CNTN4: variants seen among roughly 807,000 people sequenced by gnomAD.
CNTN4 encodes the protein contactin 4, also known as contactin-4.
Under a neutral mutation model 122.5 loss-of-function variants are expected in CNTN4, and 77 were observed. The observed-to-expected ratio is 0.63, with a 90% CI of 0.52 to 0.76. The LOEUF is 0.76. Ranked by LOEUF, CNTN4 falls within the 30% of genes least tolerant of loss-of-function variation. The pLI, the probability that CNTN4 is intolerant of heterozygous loss-of-function variation, is 0.00. For missense variants in CNTN4, 1,256 were observed against 1,259.1 expected (o/e 1.00, Z 0.04); for synonymous variants, 512 against 447.0 (o/e 1.15, Z -1.83).
chr3:2,610,431 T>C (rs538204026), intron 4 of CNTN4, among the ~76,000 whole-genome samples: 1 of 152,336 alleles, frequency 6.6e-6, no homozygotes, highest in South Asian at 2.1e-4. Flanking sequence ...CCCGTGGCCT[T>C]CTAAAATGAT....
intron 2 of CNTN4, among the ~76,000 whole-genome samples, chr3:2,236,230 G>A (rs1473567031): frequency 6.6e-6 from 1 of 152,142 alleles, no homozygotes; most frequent in Admixed American, 6.5e-5. Flanking sequence ...TCGGTAATTT[G>A]GCAGGAAGTA....
rs773241153 is a variant in CNTN4 at position 3,040,224 on chromosome 3, G to A, written c.2351G>A (p.Gly784Glu). The A allele has an allele frequency of 6.2e-7, 1 of 1,614,212 alleles. No individual in the cohort carries two copies. The highest frequency in any genetic ancestry group is 8.5e-7 in the Non-Finnish European group (1 of 1,180,022). Residue 784 changes from glycine (G) to glutamate (E), a missense_variant, in exon 20 of 25, where the codon GGA (glycine) becomes GAA (glutamate). By Grantham distance (98) the Gly-to-Glu change is moderately conservative. Coordinates refer to ENST00000418658, the MANE Select transcript of CNTN4 (RefSeq NM_175607.3). ...AAAGTAGGTGTCTTCAACAACAAAG[G>A]AGAAGGCCCTTTCAGTCCCACCACG... The part of the protein sequence containing the change: ...EVKVGVFNNK[G>E]EGPFSPTTVV...
At chr3:2,968,141 A>C (rs1439752755) in intron 13 of CNTN4, among the ~76,000 whole-genome samples, 2 of 152,214 alleles carry the variant, frequency 1.3e-5, no homozygotes, top group African/African-American at 2.4e-5. Flanking sequence ...GTTTGTCAGC[A>C]GCTGAACTGA....
At chr3:2,171,855 T>C (rs1244898820) in intron 2 of CNTN4, among the ~76,000 whole-genome samples, 1 of 152,240 alleles carries the variant, frequency 6.6e-6, no homozygotes, top group Non-Finnish European at 1.5e-5. Context: ...ACTGTTGGGT[T>C]CTAGTCTAGA....
intron 2 of CNTN4, among the ~76,000 whole-genome samples, chr3:2,213,373 T>C (rs1225286393): frequency 6.6e-6 from 1 of 152,204 alleles, no homozygotes; most frequent in East Asian, 1.9e-4. Flanking sequence ...TTGTTCCCTC[T>C]GAGCCATGTC....
chr3:2,320,079 T>C (rs17012538), intron 2 of CNTN4, among the ~76,000 whole-genome samples: 2,129 of 152,320 alleles, frequency 0.014, 53 homozygotes, highest in African/African-American at 0.049. Flanking sequence ...AAAGAGAATA[T>C]AGCTGAAACA....
At chr3:2,861,927 C>A (rs550531652) in intron 7 of CNTN4, among the ~76,000 whole-genome samples, 15 of 152,320 alleles carry the variant, frequency 9.8e-5, no homozygotes, top group African/African-American at 1.9e-4. Context: ...AAACTGATTT[C>A]TTCTGGCTCC....
chr3:2,328,289 C>A (rs1201212979), intron 2 of CNTN4, among the ~76,000 whole-genome samples: 2 of 150,548 alleles, frequency 1.3e-5, no homozygotes, highest in Non-Finnish European at 3.0e-5. Flanking sequence ...GCCTGTAGTC[C>A]CAGCTACTCG....
At chr3:2,149,886 T>C (rs2035416970) in intron 2 of CNTN4, among the ~76,000 whole-genome samples, 1 of 151,954 alleles carries the variant, frequency 6.6e-6, no homozygotes, top group Non-Finnish European at 1.5e-5. Flanking sequence ...GCCTGACCAA[T>C]GCTGGTGAAA....
intron 3 of CNTN4, among the ~76,000 whole-genome samples, chr3:2,402,891 T>A (rs2046907767): frequency 1.3e-5 from 2 of 152,184 alleles, no homozygotes; most frequent in African/African-American, 4.8e-5. Flanking sequence ...AATAGTTCCT[T>A]GTGTATCTCA....
chr3:2,137,764 C>T (rs888937056), intron 2 of CNTN4, among the ~76,000 whole-genome samples: 2 of 152,160 alleles, frequency 1.3e-5, no homozygotes, highest in African/African-American at 4.8e-5. Context: ...GGCAGTCAGT[C>T]TTGGAAGATG....
chr3:2,203,618 C>T (rs902191996), intron 2 of CNTN4, among the ~76,000 whole-genome samples: 5 of 152,064 alleles, frequency 3.3e-5, no homozygotes, highest in African/African-American at 9.7e-5. Context: ...TGCTCCAGTA[C>T]GTTCCTGAAT....
chr3:2,192,041 C>T (rs1487332884), intron 2 of CNTN4, among the ~76,000 whole-genome samples: 2 of 151,844 alleles, frequency 1.3e-5, no homozygotes, highest in East Asian at 3.9e-4. Flanking sequence ...CATCCATCTC[C>T]CTACAAAGGA....
chr3:2,769,550 T>A (rs1012121580), intron 6 of CNTN4, among the ~76,000 whole-genome samples: 24 of 152,166 alleles, frequency 1.6e-4, no homozygotes, highest in Non-Finnish European at 5.9e-5. Context: ...CTTTCTGTAA[T>A]TTTTCACGTT....
At chr3:2,255,502 G>A (rs140383844) in intron 2 of CNTN4, among the ~76,000 whole-genome samples, 22 of 152,050 alleles carry the variant, frequency 1.4e-4, no homozygotes, top group Admixed American at 5.9e-4. Context: ...GCACCACATC[G>A]CACTTAATTA....
chr3:2,890,597 CTTGCATTAAAACCATT>C (rs775521044), intron 10 of CNTN4, among the ~76,000 whole-genome samples: 22 of 152,274 alleles, frequency 1.4e-4, no homozygotes, highest in African/African-American at 2.6e-4. Context: ...TTTTTTCCTT[CTTGCATTAAAACCATT>C]TTGCATTAAA....
chr3:2,631,119 C>T (rs2082412039), intron 4 of CNTN4, among the ~76,000 whole-genome samples: 1 of 152,098 alleles, frequency 6.6e-6, no homozygotes. Flanking sequence ...TGATGCAGTG[C>T]TTAATGCTTT....
intron 7 of CNTN4, among the ~76,000 whole-genome samples, chr3:2,848,030 A>G (rs937692370): frequency 6.6e-6 from 1 of 152,156 alleles, no homozygotes; most frequent in Non-Finnish European, 1.5e-5. Context: ...AGGCTGAGGC[A>G]GGAGGACTGC....
At chr3:2,580,398 C>T (rs905921801) in intron 4 of CNTN4, among the ~76,000 whole-genome samples, 12 of 152,106 alleles carry the variant, frequency 7.9e-5, no homozygotes, top group African/African-American at 2.7e-4. Context: ...GGGTTCCAAA[C>T]AGAGTAGGAT....
Sources: gnomAD v4.1 joint callset for allele counts (sites outside exome capture counted in the v4.1 genomes callset) on GRCh38, gnomAD v4.1.1 for gene constraint, MANE v1.5 for transcripts, NCBI Gene and HGNC (gene_info 2026-07-23, HGNC 2026-07-21) for gene names.